The following ARFGEF3 variants were observed in gnomAD, a reference collection of about 807,000 sequenced individuals.
ARFGEF3 encodes brefeldin A-inhibited guanine nucleotide-exchange protein 3.
Under a neutral mutation model 221.7 loss-of-function variants are expected in ARFGEF3, and 96 were observed. The ratio of observed to expected loss-of-function variants is 0.43; its 90% CI spans 0.37 to 0.51. The LOEUF is 0.51. Among genes scored for constraint, ARFGEF3 ranks in the 20% least tolerant of loss-of-function variants. ARFGEF3 has a pLI of 0.00. For synonymous variants in ARFGEF3, 1,145 were observed against 1,126.8 expected (o/e 1.02, Z -0.32); for missense variants, 2,410 against 2,789.9 (o/e 0.86, Z 3.07).
chr6:138,297,155 C>T (rs556220609), intron 21 of ARFGEF3, among the ~76,000 whole-genome samples, 200 bp downstream of exon 21: 56 of 152,362 alleles, frequency 3.7e-4, no homozygotes, highest in Admixed American at 1.8e-3. Context: ...AAGGGCAGTA[C>T]TACCCTAGTC....
chr6:138,290,050 T>A, intron 18 of ARFGEF3, 82 bp downstream of exon 18: 1 of 1,413,274 alleles, frequency 7.1e-7, no homozygotes, highest in Non-Finnish European at 9.6e-7. Flanking sequence ...TGGAGAGGGG[T>A]GGCCTTAAGA....
Position 138,334,247 on chromosome 6 carries a change from G to A in ARFGEF3, c.5401G>A (p.Gly1801Arg). The stretch of plus-strand genomic sequence containing the variant: ...CCTGCTGAAGAAAGTGTCTGGCATC[G>A]GGGGCGCCGCCAACCTCTACCGCCA... Reference protein sequence around the residue: ...KCLLKKVSGIGGAANLYRQSA... With the variant: ...KCLLKKVSGIRGAANLYRQSA... Residue 1801 changes from glycine (G) to arginine (R), a missense_variant, in exon 33 of 34, where the codon GGG becomes AGG. Around this residue, in one of 5 missense-constraint regions of ARFGEF3, gnomAD observed 723 missense variants for 991.9 expected, o/e 0.73. Transcript: ENST00000251691. This position sits in a 1 kb window ranked among gnomAD's most constrained non-coding sequence, Gnocchi z 5.1. The A allele has an allele frequency of 3.1e-6, 5 of 1,613,574 alleles. 1 individual carries two copies. Among genetic ancestry groups the A allele is most frequent in the South Asian group, 2.2e-5 (2 of 91,014 alleles).
At chr6:138,210,839 A>G (rs892432981) in intron 4 of ARFGEF3, among the ~76,000 whole-genome samples, 4 of 152,174 alleles carry the variant, frequency 2.6e-5, no homozygotes, top group Non-Finnish European at 5.9e-5. Context: ...AAATGCACTG[A>G]AGGATTTTTG....
At chr6:138,286,632 A>G in intron 15 of ARFGEF3, 69 bp from the exon 16 acceptor site, 1 of 1,241,248 alleles carries the variant, frequency 8.1e-7, no homozygotes, top group Non-Finnish European at 1.2e-6. Context: ...ATAGCAAGAG[A>G]ATGTGATGTC....
intron 4 of ARFGEF3, among the ~76,000 whole-genome samples, chr6:138,220,421 T>A (rs890122188): frequency 1.3e-5 from 2 of 152,214 alleles, no homozygotes; most frequent in African/African-American, 4.8e-5. Flanking sequence ...AATTTTTTAT[T>A]TTTATTTTTC....
intron 2 of ARFGEF3, among the ~76,000 whole-genome samples, chr6:138,202,299 G>C (rs761403078): frequency 6.6e-6 from 1 of 152,128 alleles, no homozygotes; most frequent in Admixed American, 6.5e-5. Context: ...GTGCCATGTT[G>C]CATTTTCATT....
chr6:138,234,123 G>A (rs1778242137), intron 5 of ARFGEF3, among the ~76,000 whole-genome samples: 1 of 152,192 alleles, frequency 6.6e-6, no homozygotes, highest in Non-Finnish European at 1.5e-5. Flanking sequence ...TTACTTGCAT[G>A]GCTTGTGAAG....
chr6:138,302,420 AC>A (rs1333991939), intron 22 of ARFGEF3, among the ~76,000 whole-genome samples: 2 of 152,234 alleles, frequency 1.3e-5, no homozygotes, highest in Admixed American at 1.3e-4. Context: ...ACTAAGTTTG[AC>A]CAAAAATAAA....
chr6:138,162,695 C>T lies in ARFGEF3; in HGVS notation c.85+524C>T, dbSNP rs1488662926. On this transcript the variant is annotated intron_variant, in intron 1 of 33. Coordinates refer to ENST00000251691, the MANE Select transcript of ARFGEF3 (RefSeq NM_020340.5). This position sits in a 1 kb window ranked among gnomAD's most constrained non-coding sequence, Gnocchi z 4.7. ...AACATACGGGCGGGGATCATGTTAC[C>T]TCTGCAATTCTGTTGTGGTCTGCCC... Among the ~76,000 whole-genome samples, 1 of 152,174 alleles carries T rather than the reference C, an allele frequency of 6.6e-6. No individual in the cohort carries two copies. The highest frequency in any genetic ancestry group is 1.5e-5 in the Non-Finnish European group (1 of 68,042).
At chr6:138,330,188 G>A (rs926698357) in intron 32 of ARFGEF3, among the ~76,000 whole-genome samples, 1 of 152,196 alleles carries the variant, frequency 6.6e-6, no homozygotes, top group African/African-American at 2.4e-5. Flanking sequence ...CAGGGGACAT[G>A]ATGGCTTAGC....
chr6:138,214,469 CCACACCATG>C (rs1399848270), intron 4 of ARFGEF3, among the ~76,000 whole-genome samples: 1 of 152,326 alleles, frequency 6.6e-6, no homozygotes, highest in East Asian at 1.9e-4. Flanking sequence ...AGGGATAAGG[CCACACCATG>C]CAGTTTTTAT....
chr6:138,335,745 T>C (rs1053072244), intron 33 of ARFGEF3, among the ~76,000 whole-genome samples: 3 of 152,178 alleles, frequency 2.0e-5, no homozygotes, highest in African/African-American at 7.2e-5. Flanking sequence ...ATTGAGTTCT[T>C]AGTGTGTCAT....
At chr6:138,279,484 T>C (rs1562377613) in intron 13 of ARFGEF3, among the ~76,000 whole-genome samples, 1 of 152,208 alleles carries the variant, frequency 6.6e-6, no homozygotes, top group African/African-American at 2.4e-5. Flanking sequence ...AGCAAGCCAC[T>C]CCATGGTGTG....
chr6:138,251,528 G>A (rs1234343607), intron 8 of ARFGEF3, among the ~76,000 whole-genome samples: 2 of 152,116 alleles, frequency 1.3e-5, no homozygotes, highest in African/African-American at 4.8e-5. Context: ...CTGAAATACA[G>A]ATCTGGTCAT....
intron 13 of ARFGEF3, among the ~76,000 whole-genome samples, chr6:138,279,643 G>T (rs894809081): frequency 1.3e-5 from 2 of 152,222 alleles, no homozygotes; most frequent in African/African-American, 4.8e-5. Flanking sequence ...GCACATTCCT[G>T]CAGGAGCACG....
At chr6:138,321,961 C>A (rs543475825) in intron 29 of ARFGEF3, among the ~76,000 whole-genome samples, 2 of 152,286 alleles carry the variant, frequency 1.3e-5, no homozygotes, top group South Asian at 2.1e-4. Flanking sequence ...CAAGTCACAT[C>A]TTAATGGATG....
intron 2 of ARFGEF3, among the ~76,000 whole-genome samples, chr6:138,171,929 G>C (rs771216457): frequency 3.3e-5 from 5 of 152,060 alleles, no homozygotes; most frequent in Non-Finnish European, 5.9e-5. Context: ...TTTTCTTTGA[G>C]ATTATAAAGT....
rs1364085056 is a variant in ARFGEF3, at chr6:138,162,119, G to A, written c.33G>A (p.Glu11=). ...AAATCCTGAGGAAGCTGCAGAAGGAGGCGTCCGGGAGCAAGTACAAAGCCA... is the reference window on the plus strand; with the variant it reads ...AAATCCTGAGGAAGCTGCAGAAGGAAGCGTCCGGGAGCAAGTACAAAGCCA... MEEILRKLQK[E]ASGSKYKAIK... The change falls in exon 1 of 34, where the codon GAG becomes GAA. Residue 11 remains glutamate, a synonymous_variant. Transcript: ENST00000251691. The surrounding 1 kb of genome is among the most constrained non-coding windows in gnomAD (Gnocchi z 4.7). The A allele has an allele frequency of 6.2e-7, 1 of 1,605,060 alleles. No homozygotes were observed.
intron 10 of ARFGEF3, among the ~76,000 whole-genome samples, chr6:138,260,900 C>A (rs974979843): frequency 1.3e-5 from 2 of 151,908 alleles, no homozygotes; most frequent in African/African-American, 4.8e-5. Flanking sequence ...TATTTGAAAA[C>A]CAGGTAAAAT....
Sources: allele counts gnomAD v4.1 joint callset (sites outside exome capture counted in the v4.1 genomes callset), GRCh38; gene constraint gnomAD v4.1.1; regional missense constraint gnomAD v4.1.1; non-coding constraint Gnocchi (gnomAD v3.1); transcripts MANE v1.5; gene names NCBI Gene and HGNC (gene_info 2026-07-23, HGNC 2026-07-21).